Variants in SHBG observed in about 807,000 individuals in gnomAD.
SHBG encodes sex hormone-binding globulin.
A neutral mutation model predicts 41.9 loss-of-function variants in SHBG; 37 were observed. That is an observed-to-expected ratio of 0.88 (90% CI 0.68 to 1.16). The LOEUF (loss-of-function observed/expected upper bound fraction) is 1.16, where lower values mean the gene tolerates loss of function less well. SHBG is among the 50% of genes most tolerant of loss of function. The probability of loss-of-function intolerance (pLI) is 0.00; values close to 1 mark genes in which losing one functional copy is unlikely to be tolerated. For synonymous variants in SHBG, 217 were observed against 205.8 expected (o/e 1.05, Z -0.47); for missense variants, 466 against 499.9 (o/e 0.93, Z 0.65).
chr17:7,622,765 C>T (rs1461377052), intron 1 of SHBG, among the ~76,000 whole-genome samples: 1 of 151,624 alleles, frequency 6.6e-6, no homozygotes, highest in Non-Finnish European at 1.5e-5. Flanking sequence ...CACGGTGGCT[C>T]ACGCCTGTAA....
chr17:7,618,602 C>T (rs1037374750), intron 1 of SHBG, among the ~76,000 whole-genome samples: 1 of 152,088 alleles, frequency 6.6e-6, no homozygotes, highest in East Asian at 1.9e-4. Flanking sequence ...CCACTGCGCC[C>T]GGCCCACACT....
chr17:7,619,405 AT>A (rs1376769137), intron 1 of SHBG, among the ~76,000 whole-genome samples: 1 of 150,134 alleles, frequency 6.7e-6, no homozygotes, highest in Admixed American at 6.7e-5. Context: ...AAAAAAAAAA[AT>A]CATAATAATG....
chr17:7,625,686 T>C (rs1415212919), upstream of SHBG, among the ~76,000 whole-genome samples: 1 of 149,242 alleles, frequency 6.7e-6, no homozygotes, highest in Non-Finnish European at 1.5e-5. Flanking sequence ...AGGTCAGGAA[T>C]TTGAGACCAG....
At chr17:7,624,065 C>T (rs1015834245), upstream of SHBG, among the ~76,000 whole-genome samples, 2 of 152,158 alleles carry the variant, frequency 1.3e-5, no homozygotes, top group Non-Finnish European at 2.9e-5. Flanking sequence ...GATTCTCCTG[C>T]CTCAGCCTCC....
intron 1 of SHBG, among the ~76,000 whole-genome samples, chr17:7,618,758 C>T (rs1019860975): frequency 6.6e-6 from 1 of 152,110 alleles, no homozygotes; most frequent in South Asian, 2.1e-4. Flanking sequence ...GGAAACAGGA[C>T]GTCAACACAA....
rs966072827 is a variant in SHBG, at chr17:7,614,519, G to A, written c.-62+408G>A. 9 of 1,498,296 alleles carry A rather than the reference G, an allele frequency of 6.0e-6. No homozygotes were observed. The highest frequency in any genetic ancestry group is 7.1e-6 in the Non-Finnish European group (8 of 1,126,338). The allele number at this position is 1,498,296 out of a possible 1,614,324, so 92.8% of individuals were successfully genotyped here. A position where few individuals can be genotyped will look rare whatever the true frequency, so the allele number is the denominator to read the frequency against. ...TCCCGGCTCCACATCCCCCCCAGAG[G>A]CCAGGCCGCCCATGGCGCCGCCACC... On this transcript the variant is annotated intron_variant, in intron 1 of 5. Coordinates refer to the SHBG transcript ENST00000570547.
upstream of SHBG, chr17:7,626,860 C>T (rs2072225548): frequency 5.0e-6 from 8 of 1,605,682 alleles, no homozygotes; most frequent in Middle Eastern, 1.6e-4. Flanking sequence ...AAAATGACAC[C>T]GGCTGGGCTC....
chr17:7,617,938 G>C (rs2072021975), intron 1 of SHBG, among the ~76,000 whole-genome samples: 1 of 149,978 alleles, frequency 6.7e-6, no homozygotes, highest in Non-Finnish European at 1.5e-5. Flanking sequence ...ACAAAAATTA[G>C]CTGGGTGCGG....
chr17:7,614,426 C>T, intron 1 of SHBG: 1 of 1,493,678 alleles, frequency 6.7e-7, no homozygotes, highest in Non-Finnish European at 9.0e-7. Flanking sequence ...TAAGGACCGG[C>T]GTCCCCAGTC....
chr17:7,627,288 T>C, upstream of SHBG: 1 of 1,612,058 alleles, frequency 6.2e-7, no homozygotes, highest in Non-Finnish European at 8.5e-7. The surrounding 1 kb of genome is among the most constrained non-coding windows in gnomAD (Gnocchi z 4.8). Context: ...ATGCCCAGCC[T>C]GGAGCTGTCG....
intron 6 of SHBG, 58 bp from the exon 7 acceptor site, chr17:7,632,694 G>A (rs2072457160): frequency 7.3e-7 from 1 of 1,378,560 alleles, no homozygotes; most frequent in African/African-American, 1.4e-5. Flanking sequence ...GCCACAGGCA[G>A]TAGGCCCGGC....
At position 7,631,652 on chromosome 17, in the gene SHBG, T is replaced by C. The variant is rs1386917833; in HGVS notation, c.619T>C (p.Ser207Pro). Residue 207 changes from serine to proline, a missense_variant, in exon 5 of 8, where the codon TCA becomes CCA. Physicochemically the swap from Ser to Pro is moderately conservative, Grantham distance 74 (BLOSUM62 -1). Coordinates refer to ENST00000380450, the MANE Select transcript of SHBG (RefSeq NM_001040.5). ...DSWLDKQAEI[S>P]ASAPTSLRSC... ...CTGGCTGGACAAACAGGCCGAGATC[T>C]CAGCATCTGCCCCCACTAGCCTCAG... The C allele has an allele frequency of 6.2e-7, 1 of 1,614,186 alleles. No homozygotes were observed. Among genetic ancestry groups the C allele is most frequent in the South Asian group, 1.1e-5 (1 of 91,090 alleles).
rs779324959 is a variant in SHBG, at chr17:7,630,421, C to T, written c.117C>T (p.Ala39=). 1.2e-6 allele frequency: 2 copies of T among 1,613,966 alleles called. No individual in the cohort carries two copies. The highest frequency in any genetic ancestry group is 8.5e-7 in the Non-Finnish European group (1 of 1,179,902). ...ALRPVLPTQS[A]HDPPAVHLSN... ...TTGTTTTCTCTTTCTGATAGAGTGC[C>T]CACGACCCTCCGGCTGTCCACCTCA... Residue 39 remains alanine, a synonymous_variant, in exon 2 of 8, where the codon GCC becomes GCT. Transcript: ENST00000380450. This position sits in a 1 kb window ranked among gnomAD's most constrained non-coding sequence, Gnocchi z 4.6.
intron 1 of SHBG, among the ~76,000 whole-genome samples, chr17:7,622,456 A>G (rs1327832895): frequency 1.3e-5 from 2 of 151,660 alleles, no homozygotes; most frequent in Non-Finnish European, 2.9e-5. Context: ...TATTTTTAGT[A>G]GAGACAGGGT....
intron 1 of SHBG, among the ~76,000 whole-genome samples, chr17:7,617,385 T>C (rs2072012611): frequency 6.6e-6 from 1 of 151,884 alleles, no homozygotes; most frequent in South Asian, 2.1e-4. Flanking sequence ...GTGGATCACC[T>C]GAGGTCACCT....
intron 1 of SHBG, among the ~76,000 whole-genome samples, chr17:7,620,936 T>G (rs1285045517): frequency 6.6e-6 from 1 of 151,288 alleles, no homozygotes; most frequent in African/African-American, 2.4e-5. Context: ...CAGACAAAAA[T>G]TTTGCTTTCA....
chr17:7,626,861 G>A (rs1387145690), upstream of SHBG: 53 of 1,605,902 alleles, frequency 3.3e-5, no homozygotes, highest in Non-Finnish European at 4.3e-5. Context: ...AAATGACACC[G>A]GCTGGGCTCT....
In SHBG at chr17:7,631,638, A is replaced by G. The variant is rs751617572; in HGVS notation, c.605A>G (p.Lys202Arg). The change falls in exon 5 of 8, where the codon AAA becomes AGA. Residue 202 changes from lysine (K) to arginine (R), a missense_variant. Physicochemically the swap from Lys to Arg is conservative, Grantham distance 26 (BLOSUM62 2). Coordinates refer to ENST00000380450, the MANE Select transcript of SHBG (RefSeq NM_001040.5). ...GCLRRDSWLD[K>R]QAEISASAPT... ...CTGCGCCGGGATTCCTGGCTGGACA[A>G]ACAGGCCGAGATCTCAGCATCTGCC... 1.9e-6 allele frequency: 3 copies of G among 1,614,154 alleles called. No homozygotes were observed. In the Admixed American group the frequency reaches 5.0e-5, roughly 27 times the overall value.
At chr17:7,628,055 C>A (rs1385444138), upstream of SHBG, 3 of 467,654 alleles carry the variant, frequency 6.4e-6, no homozygotes, top group Non-Finnish European at 1.3e-5. Flanking sequence ...GTCGAGATAC[C>A]CCGCGGTTCA....
Sources: gnomAD v4.1 joint callset for allele counts (sites outside exome capture counted in the v4.1 genomes callset) on GRCh38, gnomAD v4.1.1 for gene constraint, Gnocchi (gnomAD v3.1) non-coding constraint, MANE v1.5 for transcripts, NCBI Gene and HGNC (gene_info 2026-07-23, HGNC 2026-07-21) for gene names.